ANKRD11: variants seen among roughly 807,000 people sequenced by gnomAD.
ANKRD11 encodes the protein ankyrin repeat domain-containing protein 11.
In ANKRD11, 17 loss-of-function variants were observed where a neutral mutation model predicts 195.7. The observed-to-expected ratio is 0.09, with a 90% confidence interval of 0.06 to 0.13. ANKRD11 has a LOEUF of 0.13. Ranked by LOEUF, ANKRD11 falls within the 10% of genes least tolerant of loss-of-function variation. The pLI, the probability that ANKRD11 is intolerant of heterozygous loss-of-function variation, is 1.00. For synonymous variants in ANKRD11, 1,953 were observed against 1,528.1 expected (o/e 1.28, Z -6.49); for missense variants, 3,735 against 3,566.1 (o/e 1.05, Z -1.21).
Position 89,270,726 on chromosome 16 carries a change from C to T in ANKRD11, c.7806+91G>A, listed in dbSNP as rs142218980. On this transcript the variant is annotated intron_variant, in intron 12 of 12. Transcript: ENST00000301030. Reference sequence around the variant, plus strand: ...TCACAGAACTGGGCAGCGGCCTCCCCCCAGGCAGCGCAAAGGGGGTTGTCA... The same window carrying T: ...TCACAGAACTGGGCAGCGGCCTCCCTCCAGGCAGCGCAAAGGGGGTTGTCA... 3.0e-6 allele frequency: 4 copies of T among 1,312,882 alleles called. No homozygotes were observed. The South Asian group carries it at 5.0e-5, about 16-fold the overall frequency. The allele number at this position is 1,312,882 out of a possible 1,614,324, so 81.3% of individuals were successfully genotyped here.
intron 1 of ANKRD11, among the ~76,000 whole-genome samples, chr16:89,471,440 G>A (rs984145612): frequency 6.6e-6 from 1 of 152,074 alleles, no homozygotes; most frequent in Non-Finnish European, 1.5e-5. Flanking sequence ...CTCTTTGCTA[G>A]AGGCTGCTCT....
At chr16:89,278,407 A>C in intron 9 of ANKRD11, 1 of 410,942 alleles carries the variant, frequency 2.4e-6, no homozygotes, top group East Asian at 7.1e-5. Context: ...GCAGGGCCCC[A>C]TTTGGAGGGA....
Position 89,284,612 on chromosome 16 carries a change from C to T in ANKRD11, c.1930G>A (p.Gly644Arg), listed in dbSNP as rs1257723307. ...AGCTCTTGGCTGATGGAACACTGTC[C>T]CTTCTCCTTGTTTTTGTGTTTGTGT... ...TKHKHKNKEK[G>R]QCSISQELKL... The change falls in exon 9 of 13, where the codon GGA (glycine) becomes AGA (arginine). Residue 644 changes from glycine (G) to arginine (R), a missense_variant. Transcript: ENST00000301030. 3 of 1,613,914 alleles carry T rather than the reference C, an allele frequency of 1.9e-6. No homozygotes were observed. The highest frequency in any genetic ancestry group is 2.2e-5 in the South Asian group (2 of 91,072).
chr16:89,275,608 C>T (rs1046586193), intron 9 of ANKRD11, among the ~76,000 whole-genome samples: 5 of 152,162 alleles, frequency 3.3e-5, no homozygotes, highest in South Asian at 2.1e-4. Context: ...ATCAGCCTTT[C>T]AACCAGGCTG....
chr16:89,470,685 A>T (rs1422269755), intron 1 of ANKRD11, among the ~76,000 whole-genome samples: 1 of 152,070 alleles, frequency 6.6e-6, no homozygotes, highest in Non-Finnish European at 1.5e-5. Flanking sequence ...CTCTACTAAA[A>T]ATACAAAAAA....
At chr16:89,428,752 G>T (rs2911251) in intron 1 of ANKRD11, among the ~76,000 whole-genome samples, 1 of 150,946 alleles carries the variant, frequency 6.6e-6, no homozygotes, top group Non-Finnish European at 1.5e-5. Flanking sequence ...AAATTAGCCA[G>T]GCATGGTGGC....
At chr16:89,379,201 GCTAGAAGGGGTGCACACCGTC>G (rs965256458) in intron 2 of ANKRD11, among the ~76,000 whole-genome samples, 7 of 152,258 alleles carry the variant, frequency 4.6e-5, no homozygotes, top group African/African-American at 1.4e-4. Context: ...CAGCCGGCGG[GCTAGAAGGGGTGCACACCGTC>G]TGTATGTGCG....
chr16:89,285,979 C>G lies in ANKRD11; in HGVS notation c.892+60G>C. 5.6e-6 allele frequency: 9 copies of G among 1,611,400 alleles called. No homozygotes were observed. Among genetic ancestry groups the G allele is most frequent in the Non-Finnish European group, 7.6e-6 (9 of 1,178,422 alleles). On this transcript the variant is annotated intron_variant, in intron 8 of 12. Coordinates refer to ENST00000301030, the MANE Select transcript of ANKRD11 (RefSeq NM_013275.6). This position sits in a 1 kb window ranked among gnomAD's most constrained non-coding sequence, Gnocchi z 5.6. ...GAGGGGCAACACTGTGCAAACACCACAGGGCAGCTCCTACCATCCCTGCAT... is the reference window on the plus strand; with the variant it reads ...GAGGGGCAACACTGTGCAAACACCAGAGGGCAGCTCCTACCATCCCTGCAT...
chr16:89,433,279 T>C (rs2043076094), intron 1 of ANKRD11, among the ~76,000 whole-genome samples: 1 of 152,204 alleles, frequency 6.6e-6, no homozygotes. Context: ...GGCCCTAACA[T>C]ATGGATCCCT....
At chr16:89,315,361 C>A (rs1053648273) in intron 3 of ANKRD11, among the ~76,000 whole-genome samples, 1 of 152,266 alleles carries the variant, frequency 6.6e-6, no homozygotes, top group Non-Finnish European at 1.5e-5. Flanking sequence ...AACACTCTGA[C>A]TGCTTAGCCA....
At chr16:89,355,670 A>G (rs78203027) in intron 2 of ANKRD11, among the ~76,000 whole-genome samples, 4,792 of 152,306 alleles carry the variant, frequency 0.031, 260 homozygotes, top group African/African-American at 0.11. Context: ...TCTTCCATTA[A>G]TAAGTAAAAC....
chr16:89,373,943 C>G (rs929377368), intron 2 of ANKRD11, among the ~76,000 whole-genome samples: 1 of 152,238 alleles, frequency 6.6e-6, no homozygotes, highest in Admixed American at 6.5e-5. Flanking sequence ...GAGTGACCAC[C>G]AAGCGGGCTG....
chr16:89,434,412 G>A (rs755450916), intron 1 of ANKRD11, among the ~76,000 whole-genome samples: 30 of 152,146 alleles, frequency 2.0e-4, no homozygotes, highest in Non-Finnish European at 3.4e-4. Flanking sequence ...CACGCAAGTC[G>A]GAAAGACCTA....
intron 2 of ANKRD11, among the ~76,000 whole-genome samples, chr16:89,407,863 A>C (rs1241469329): frequency 2.0e-5 from 3 of 150,986 alleles, no homozygotes; most frequent in Non-Finnish European, 4.4e-5. Flanking sequence ...AAAAAAAAAA[A>C]AAAAAAAAAA....
At chr16:89,314,015 GA>G (rs1413007836) in intron 3 of ANKRD11, among the ~76,000 whole-genome samples, 1 of 152,214 alleles carries the variant, frequency 6.6e-6, no homozygotes, top group African/African-American at 2.4e-5. Context: ...CTTGAGCTCA[GA>G]AGCTTGAGAC....
chr16:89,409,829 A>AATTTATTT (rs1262220424), intron 2 of ANKRD11, among the ~76,000 whole-genome samples: 8 of 151,396 alleles, frequency 5.3e-5, no homozygotes, highest in African/African-American at 1.2e-4. Context: ...TTTCAATCTA[A>AATTTATTT]ATTTATTTAT....
rs774995181 is a variant in ANKRD11, at chr16:89,280,371, G to T, written c.6171C>A (p.Ala2057=). ...AGAAGGACTCCAGCCCGGAGGGAGG[G>T]GCGTAGGGAGCCGCCTCTGAGGTGG... ...AISTSEAAPY[A]PPSGLESFFS... The change falls in exon 9 of 13, where the codon GCC becomes GCA. Residue 2057 remains alanine, a synonymous_variant. Coordinates refer to ENST00000301030, the MANE Select transcript of ANKRD11 (RefSeq NM_013275.6). 2 of 1,564,518 alleles carry T rather than the reference G, an allele frequency of 1.3e-6. No homozygotes were observed. Among genetic ancestry groups the T allele is most frequent in the Non-Finnish European group, 1.7e-6 (2 of 1,156,150 alleles).
chr16:89,270,559 G>C (rs578182020), intron 12 of ANKRD11: 2 of 526,514 alleles, frequency 3.8e-6, no homozygotes, highest in African/African-American at 1.9e-5. Flanking sequence ...ATCAAGCCTA[G>C]GGTCCTGTTG....
At chr16:89,315,384 G>T (rs1012038174) in intron 3 of ANKRD11, among the ~76,000 whole-genome samples, 1 of 152,180 alleles carries the variant, frequency 6.6e-6, no homozygotes, top group African/African-American at 2.4e-5. Context: ...GAAGAGCAGG[G>T]ACCACCGGGA....
Sources: allele counts gnomAD v4.1 joint callset (sites outside exome capture counted in the v4.1 genomes callset), GRCh38; gene constraint gnomAD v4.1.1; non-coding constraint Gnocchi (gnomAD v3.1); transcripts MANE v1.5; gene names NCBI Gene and HGNC (gene_info 2026-07-23, HGNC 2026-07-21).